PRUNE1: variants seen among roughly 807,000 people sequenced by gnomAD.
PRUNE1 encodes the protein exopolyphosphatase PRUNE1.
PRUNE1 carries 25 observed loss-of-function variants against 42.5 expected under a neutral mutation model. That is an observed-to-expected ratio of 0.59 (90% CI 0.43 to 0.82). The LOEUF is 0.82. Among genes scored for constraint, PRUNE1 ranks in the 40% least tolerant of loss-of-function variants. The probability of loss-of-function intolerance (pLI) is 0.00; values close to 1 mark genes in which losing one functional copy is unlikely to be tolerated. For missense variants in PRUNE1, 443 were observed against 539.3 expected (o/e 0.82, Z 1.77); for synonymous variants, 203 against 217.1 (o/e 0.93, Z 0.57).
chr1:151,017,241 A>G (rs1674162406), intron 1 of PRUNE1, among the ~76,000 whole-genome samples: 1 of 152,150 alleles, frequency 6.6e-6, no homozygotes, highest in Non-Finnish European at 1.5e-5. Context: ...GTGCCCAAAG[A>G]AGATAAGAAA....
intron 1 of PRUNE1, among the ~76,000 whole-genome samples, chr1:151,013,893 G>T (rs1054301988): frequency 6.6e-6 from 1 of 152,136 alleles, no homozygotes; most frequent in Non-Finnish European, 1.5e-5. Context: ...TAGGACTGGG[G>T]TATTGGGTAG....
intron 4 of PRUNE1, 51 bp downstream of exon 4, chr1:151,024,846 A>T (rs993583513): frequency 6.5e-7 from 1 of 1,534,196 alleles, no homozygotes. Flanking sequence ...CCTGTCCCTG[A>T]GAAGGGAGGG....
chr1:151,010,157 C>T (rs1384547260), intron 1 of PRUNE1, among the ~76,000 whole-genome samples: 1 of 151,888 alleles, frequency 6.6e-6, no homozygotes, highest in African/African-American at 2.4e-5. Flanking sequence ...GGCTGGAGTG[C>T]AATGGTGTGA....
intron 1 of PRUNE1, among the ~76,000 whole-genome samples, chr1:151,015,202 G>A (rs758144563): frequency 1.3e-5 from 2 of 151,492 alleles, no homozygotes; most frequent in African/African-American, 2.4e-5. Context: ...GGTGGCGCAC[G>A]CCTGTAGTCT....
intron 1 of PRUNE1, among the ~76,000 whole-genome samples, chr1:151,017,186 C>T (rs1339228914): frequency 1.3e-5 from 2 of 151,934 alleles, no homozygotes; most frequent in Non-Finnish European, 1.5e-5. Flanking sequence ...AAGAGCATGC[C>T]TTGAATGTAT....
In PRUNE1 at chr1:151,027,283, C is replaced by T. The variant is rs747870104; in HGVS notation, c.730C>T (p.Gln244Ter). 6.2e-7 allele frequency: 1 copy of T among 1,611,710 alleles called. No homozygotes were observed. Reference sequence around the variant, plus strand: ...AAAAGACCAGAAGACTATCTATAGACAAGGCGTCAAGGTGGCCATTAGTGC... The same window carrying T: ...AAAAGACCAGAAGACTATCTATAGATAAGGCGTCAAGGTGGCCATTAGTGC... Reference protein sequence around the residue: ...LRKDQKTIYRQGVKVAISAIY... With the variant: ...LRKDQKTIYR The change falls in exon 6 of 8, where the codon CAA becomes TAA. Residue 244 changes from glutamine to a stop codon, truncating the protein, a stop_gained. Coordinates refer to ENST00000271620, the MANE Select transcript of PRUNE1 (RefSeq NM_021222.3). LOFTEE classifies it high-confidence loss of function.
At chr1:151,025,166 A>T (rs587761616) in intron 4 of PRUNE1, among the ~76,000 whole-genome samples, 6 of 151,274 alleles carry the variant, frequency 4.0e-5, no homozygotes, top group African/African-American at 1.5e-4. Flanking sequence ...TGTAAAAAAA[A>T]AGAGAGAGAG....
chr1:151,021,968 C>CA (rs1553253234), intron 3 of PRUNE1, among the ~76,000 whole-genome samples: 2 of 140,300 alleles, frequency 1.4e-5, no homozygotes, highest in Non-Finnish European at 3.1e-5. Flanking sequence ...GTGCCACCAC[C>CA]TTTTTTTTTT....
At position 151,018,006 on chromosome 1, in the gene PRUNE1, A is replaced by C. The variant is rs756876505; in HGVS notation, c.132+102A>C. 69 of 779,244 alleles carry C rather than the reference A, an allele frequency of 8.9e-5. 1 individual carries two copies. The highest frequency in any genetic ancestry group is 1.4e-4 in the Admixed American group (6 of 41,844). 48.3% of individuals were successfully genotyped at this position (779,244 alleles called of 1,614,324 possible). A position where few individuals can be genotyped will look rare whatever the true frequency, so the allele number is the denominator to read the frequency against. ...ACTTACCAGCATTTAGCATTGGGTA[A>C]ATTAAATCCCTTAACTTTGCTGAGT... On this transcript the variant is annotated intron_variant, in intron 2 of 7. Transcript: ENST00000271620.
rs111232945 is a variant in PRUNE1 at position 151,008,725 on chromosome 1, A to T, written c.39+54A>T. On this transcript the variant is annotated intron_variant, in intron 1 of 7. Transcript: ENST00000271620. ...GAATGGAGCACGGGGTCCAGGAAGG[A>T]CGAAGACGTGGGATCTGGGGGAGCC... 2.5e-3 allele frequency: 3,973 copies of T among 1,602,736 alleles called. 81 individuals carry two copies. The African/African-American group carries it at 0.047, about 19-fold the overall frequency.
intron 1 of PRUNE1, among the ~76,000 whole-genome samples, chr1:151,010,748 C>T (rs71624518): frequency 0.17 from 25,578 of 151,288 alleles, 2,574 homozygotes; most frequent in East Asian, 0.42. Context: ...CTCCACTTCC[C>T]GAATTCAAGC....
chr1:151,027,775 T>C (rs1476713005), intron 6 of PRUNE1, among the ~76,000 whole-genome samples: 1,529 of 141,164 alleles, frequency 0.011, 23 homozygotes, highest in African/African-American at 0.034. Flanking sequence ...TGTGTGTGTG[T>C]GTGTGTGCGC....
intron 7 of PRUNE1, 123 bp from the exon 8 acceptor site, chr1:151,033,683 C>A: frequency 1.0e-6 from 1 of 964,448 alleles, no homozygotes; most frequent in Non-Finnish European, 1.5e-6. Context: ...AGCCACCGCA[C>A]CCCGCCCGGC....
rs116475847 is a variant in PRUNE1 at position 151,015,814 on chromosome 1, G to C, written c.40-1998G>C. Among the ~76,000 whole-genome samples, 666 of 151,932 alleles carry C rather than the reference G, an allele frequency of 4.4e-3. 6 individuals are homozygous for C. Among genetic ancestry groups the C allele is most frequent in the African/African-American group, 0.015 (622 of 41,450 alleles). On this transcript the variant is annotated intron_variant, in intron 1 of 7. Transcript: ENST00000271620. The stretch of plus-strand genomic sequence containing the variant: ...TGAGACCCTGTCTCAAAAAGTAAAA[G>C]TTAAAAAAAGAAAAAGAATTATCTA...
chr1:151,022,416 AT>A (rs35567560), intron 3 of PRUNE1, among the ~76,000 whole-genome samples: 104,247 of 135,134 alleles, frequency 0.77, 39,853 homozygotes, highest in Middle Eastern at 0.85. Flanking sequence ...GGCCTGGCTA[AT>A]TTTTTTTTTT....
At chr1:151,021,333 T>G (rs1423669701) in intron 3 of PRUNE1, among the ~76,000 whole-genome samples, 3 of 150,920 alleles carry the variant, frequency 2.0e-5, no homozygotes, top group Admixed American at 2.0e-4. Flanking sequence ...CACATGCCTG[T>G]AATCCCAGCT....
At chr1:151,023,953 C>A (rs1368425255) in intron 3 of PRUNE1, among the ~76,000 whole-genome samples, 2 of 151,846 alleles carry the variant, frequency 1.3e-5, no homozygotes, top group Admixed American at 1.3e-4. Context: ...GAGGCCAAGG[C>A]GGGCAGATCA....
chr1:151,025,581 A>T lies in PRUNE1; in HGVS notation c.587A>T (p.Lys196Ile), dbSNP rs765377707. The change falls in exon 5 of 8, where the codon AAA (lysine) becomes ATA (isoleucine). Residue 196 changes from lysine (K) to isoleucine (I), a missense_variant. Physicochemically the swap from Lys to Ile is moderately radical, Grantham distance 102. Transcript: ENST00000271620. ...GGAAAGGCAACCCCAAAGGACAGCA[A>T]ATATGTGGAGAAACTAGAGGCCCTT... ...KIGKATPKDS[K>I]YVEKLEALFP... 6.2e-6 allele frequency: 10 copies of T among 1,613,850 alleles called. No individual in the cohort carries two copies. The highest frequency in any genetic ancestry group is 1.3e-5 in the African/African-American group (1 of 75,026).
In PRUNE1 at chr1:151,025,539, A is replaced by G; in HGVS notation, c.545A>G (p.Asn182Ser). The G allele has an allele frequency of 6.2e-7, 1 of 1,614,098 alleles. No individual in the cohort carries two copies. The highest frequency in any genetic ancestry group is 8.5e-7 in the Non-Finnish European group (1 of 1,179,992). Residue 182 changes from asparagine (N) to serine (S), a missense_variant, in exon 5 of 8, where the codon AAC (asparagine) becomes AGC (serine). Coordinates refer to ENST00000271620, the MANE Select transcript of PRUNE1 (RefSeq NM_021222.3). ...LHGTIILDCV[N>S]MDLKIGKATP... ...GGAACCATCATCCTGGACTGTGTCA[A>G]CATGGACCTTAAAATTGGAAAGGCA... is the stretch of plus-strand genomic sequence containing the variant.
Sources: allele counts gnomAD v4.1 joint callset (sites outside exome capture counted in the v4.1 genomes callset), GRCh38; gene constraint gnomAD v4.1.1; transcripts MANE v1.5; gene names NCBI Gene and HGNC (gene_info 2026-07-23, HGNC 2026-07-21).